ANKS1B: variants seen among roughly 807,000 people sequenced by gnomAD.
ANKS1B encodes the protein ankyrin repeat and sterile alpha motif domain containing 1B.
Under a neutral mutation model 148.3 loss-of-function variants are expected in ANKS1B, and 36 were observed. The observed-to-expected ratio is 0.24, with a 90% CI of 0.19 to 0.32. The LOEUF (loss-of-function observed/expected upper bound fraction) is 0.32. Ranked by LOEUF, ANKS1B falls within the 10% of genes least tolerant of loss-of-function variation. ANKS1B has a pLI of 1.00. For synonymous variants in ANKS1B, 542 were observed against 560.8 expected, an observed-to-expected ratio of 0.97 and a Z score of 0.47; for missense variants, 1,157 against 1,542.6, an observed-to-expected ratio of 0.75 and a Z score of 4.19.
At chr12:99,838,133 C>A (rs1490531140) in intron 1 of ANKS1B, among the ~76,000 whole-genome samples, 2 of 152,162 alleles carry the variant, frequency 1.3e-5, no homozygotes, top group African/African-American at 4.8e-5. Context: ...TATAGTATCC[C>A]ATTGTGTATG....
chr12:99,070,294 C>T (rs2045861651), intron 16 of ANKS1B, among the ~76,000 whole-genome samples: 1 of 152,130 alleles, frequency 6.6e-6, no homozygotes, highest in Admixed American at 6.5e-5. Context: ...TCATTGATTA[C>T]CGCCCCTCCT....
chr12:99,460,815 C>A (rs1055570832), intron 10 of ANKS1B, among the ~76,000 whole-genome samples: 2 of 151,818 alleles, frequency 1.3e-5, no homozygotes, highest in Non-Finnish European at 1.5e-5. Flanking sequence ...ACTAATAAAA[C>A]CACCACTGAA....
chr12:98,936,691 T>G (rs2099819061), intron 17 of ANKS1B, among the ~76,000 whole-genome samples: 1 of 152,180 alleles, frequency 6.6e-6, no homozygotes, highest in Non-Finnish European at 1.5e-5. Flanking sequence ...GCTATTCTAT[T>G]CTTCACTTGT....
intron 1 of ANKS1B, among the ~76,000 whole-genome samples, chr12:99,850,281 G>GTCTCTCTCTCTCTCTCTATC (rs2087519241): frequency 8.8e-6 from 1 of 114,206 alleles, no homozygotes; most frequent in East Asian, 2.2e-4. Context: ...AAGCAAGAAA[G>GTCTCTCTCTCTCTCTCTATC]TCTCTCTCTC....
intron 2 of ANKS1B, among the ~76,000 whole-genome samples, chr12:99,814,341 A>C (rs552507156): frequency 6.6e-6 from 1 of 151,802 alleles, no homozygotes; most frequent in Admixed American, 6.6e-5. Context: ...ATCATAAAAA[A>C]GAATTCACTC....
chr12:99,103,052 C>T (rs1396820725), intron 15 of ANKS1B, among the ~76,000 whole-genome samples: 3 of 151,454 alleles, frequency 2.0e-5, no homozygotes, highest in Non-Finnish European at 2.9e-5. Flanking sequence ...GAAGTTGGAT[C>T]CACAGGAGAG....
At chr12:99,438,132 C>CT (rs2095491408) in intron 11 of ANKS1B, among the ~76,000 whole-genome samples, 1 of 151,770 alleles carries the variant, frequency 6.6e-6, no homozygotes, top group Non-Finnish European at 1.5e-5. Context: ...TTCTCTCTCT[C>CT]TTTTTTGCTA....
intron 12 of ANKS1B, among the ~76,000 whole-genome samples, chr12:99,336,979 G>A (rs909345430): frequency 1.3e-5 from 2 of 152,026 alleles, no homozygotes; most frequent in Admixed American, 6.6e-5. Context: ...AGTGTCTTGA[G>A]GTAGACTTAT....
intron 17 of ANKS1B, among the ~76,000 whole-genome samples, chr12:98,902,391 T>C (rs918103250): frequency 1.3e-5 from 2 of 152,220 alleles, no homozygotes; most frequent in African/African-American, 2.4e-5. Context: ...AGGTTAGCAA[T>C]GAAAGAAGAA....
intron 11 of ANKS1B, among the ~76,000 whole-genome samples, chr12:99,439,192 C>A (rs1389472736): frequency 2.0e-5 from 3 of 151,566 alleles, no homozygotes; most frequent in Non-Finnish European, 3.0e-5. Context: ...GGATTATCGA[C>A]CTAAATATAA....
intron 9 of ANKS1B, among the ~76,000 whole-genome samples, chr12:99,586,509 C>A (rs2097641792): frequency 6.6e-6 from 1 of 152,182 alleles, no homozygotes; most frequent in Non-Finnish European, 1.5e-5. Context: ...CCAAACTTTC[C>A]CACATTTTCC....
At chr12:98,972,651 A>G (rs2099884330) in intron 17 of ANKS1B, among the ~76,000 whole-genome samples, 1 of 152,214 alleles carries the variant, frequency 6.6e-6, no homozygotes, top group South Asian at 2.1e-4. Flanking sequence ...ATATTTTTAA[A>G]GTGGCATTCC....
At chr12:99,296,778 A>G (rs1204185884) in intron 12 of ANKS1B, among the ~76,000 whole-genome samples, 1 of 152,214 alleles carries the variant, frequency 6.6e-6, no homozygotes, top group Non-Finnish European at 1.5e-5. Flanking sequence ...CGGATACTAA[A>G]TATTTGTCGA....
rs183455760 is a variant in ANKS1B at position 99,294,740 on chromosome 12, G to A, written c.1757-47876C>T. 1.3e-4 allele frequency among the ~76,000 whole-genome samples: 19 copies of A among 151,910 alleles called. No individual in the cohort carries two copies. In the East Asian group the frequency reaches 3.3e-3, roughly 26 times the overall value. On this transcript the variant is annotated intron_variant, in intron 12 of 26. Transcript: ENST00000683438. ...GCGATCTTGGCTCACCACAATCCCC[G>A]CCTTCCAGGTTCAAGCAATTCTCCT... is the stretch of plus-strand genomic sequence containing the variant.
intron 12 of ANKS1B, among the ~76,000 whole-genome samples, chr12:99,336,299 A>G (rs2152307145): frequency 6.6e-6 from 1 of 152,106 alleles, no homozygotes; most frequent in South Asian, 2.1e-4. Context: ...TAGTTTGCAA[A>G]TATTTTCTCC....
At chr12:98,781,647 C>T (rs2098737891) in intron 23 of ANKS1B, 2 of 361,836 alleles carry the variant, frequency 5.5e-6, no homozygotes, top group Non-Finnish European at 1.1e-5. Context: ...TCCTAGTTAC[C>T]TTCATTCTTC....
chr12:99,682,086 T>C (rs1306919214), intron 8 of ANKS1B, among the ~76,000 whole-genome samples: 1 of 152,090 alleles, frequency 6.6e-6, no homozygotes, highest in African/African-American at 2.4e-5. Flanking sequence ...AAAATATATA[T>C]GCAGAAGTTC....
intron 1 of ANKS1B, among the ~76,000 whole-genome samples, chr12:99,963,691 G>A (rs909553354): frequency 1.3e-5 from 2 of 152,176 alleles, no homozygotes; most frequent in Non-Finnish European, 2.9e-5. Flanking sequence ...ATAGTTTCCT[G>A]ATAGTAACTT....
intron 9 of ANKS1B, among the ~76,000 whole-genome samples, chr12:99,541,303 A>G (rs2097123921): frequency 6.6e-6 from 1 of 152,198 alleles, no homozygotes; most frequent in Non-Finnish European, 1.5e-5. Context: ...TATTACACTA[A>G]TATCAAAACC....
Sources: allele counts gnomAD v4.1 joint callset (sites outside exome capture counted in the v4.1 genomes callset), GRCh38; gene constraint gnomAD v4.1.1; transcripts MANE v1.5; gene names NCBI Gene and HGNC (gene_info 2026-07-23, HGNC 2026-07-21).